Variants in VWA8 observed in about 807,000 individuals in gnomAD.
VWA8 encodes von Willebrand factor A domain-containing protein 8.
VWA8 carries 221 observed loss-of-function variants against 241.5 expected under a neutral mutation model. That is an observed-to-expected ratio of 0.91 (90% CI 0.82 to 1.02). The LOEUF is 1.02. VWA8 is among the 50% of genes least tolerant of loss of function. The pLI, the probability that VWA8 is intolerant of heterozygous loss-of-function variation, is 0.00. For missense variants in VWA8, 2,322 were observed against 2,328.7 expected, an observed-to-expected ratio of 1.00 and a Z score of 0.06; for synonymous variants, 852 against 827.1, an observed-to-expected ratio of 1.03 and a Z score of -0.52.
chr13:41,882,078 C>G (rs1232409809), intron 9 of VWA8, among the ~76,000 whole-genome samples: 2 of 142,572 alleles, frequency 1.4e-5, no homozygotes, highest in Admixed American at 1.4e-4. Context: ...GGTCTCCTCA[C>G]TTCTCAGACG....
chr13:41,660,688 G>A (rs571225834), intron 37 of VWA8, among the ~76,000 whole-genome samples: 61 of 152,270 alleles, frequency 4.0e-4, no homozygotes, highest in African/African-American at 1.3e-3. Flanking sequence ...TCACGCTGCT[G>A]CAACTGTGCT....
intron 39 of VWA8, 79 bp from the exon 40 acceptor site, chr13:41,605,355 G>T: frequency 7.2e-7 from 1 of 1,381,398 alleles, no homozygotes; most frequent in Non-Finnish European, 1.0e-6. Context: ...CCTCCTGCTG[G>T]AACTTTAGCA....
chr13:41,925,724 C>G (rs987377794), intron 2 of VWA8: 2 of 194,288 alleles, frequency 1.0e-5, no homozygotes, highest in Non-Finnish European at 2.2e-5. Flanking sequence ...GCAGGAAGAA[C>G]TCAGTGAGAA....
At chr13:41,716,996 G>A (rs1418199164) in intron 26 of VWA8, among the ~76,000 whole-genome samples, 1 of 151,688 alleles carries the variant, frequency 6.6e-6, no homozygotes, top group African/African-American at 2.4e-5. Flanking sequence ...GGGGTGGAAA[G>A]GGGGAATGAA....
At chr13:41,579,053 G>A (rs1462517202) in intron 42 of VWA8, among the ~76,000 whole-genome samples, 1 of 152,140 alleles carries the variant, frequency 6.6e-6, no homozygotes, top group Non-Finnish European at 1.5e-5. Flanking sequence ...GAATGCATAG[G>A]ACAAAGTGCT....
In VWA8 at chr13:41,605,610, G is replaced by A. The variant is rs191033643; in HGVS notation, c.4878-334C>T. ...AAAAATGTGCACAATTGACTCTCAT[G>A]AGCCAGTATGAATTGGCTTTGTGGT... On this transcript the variant is annotated intron_variant, in intron 39 of 44. Transcript: ENST00000379310. Among the ~76,000 whole-genome samples the A allele has an allele frequency of 2.7e-3, 416 of 152,238 alleles. 1 individual carries two copies. The highest frequency in any genetic ancestry group is 9.3e-3 in the African/African-American group (387 of 41,548).
chr13:41,758,898 AT>A (rs1213328198), intron 21 of VWA8, among the ~76,000 whole-genome samples: 1 of 151,274 alleles, frequency 6.6e-6, no homozygotes, highest in Non-Finnish European at 1.5e-5. Context: ...TTCTCAAATG[AT>A]TTTTCTGGTG....
At chr13:41,874,695 A>T (rs1047095515) in intron 9 of VWA8, among the ~76,000 whole-genome samples, 2 of 152,142 alleles carry the variant, frequency 1.3e-5, no homozygotes, top group African/African-American at 4.8e-5. Flanking sequence ...TCATCCTTAC[A>T]ATTCCCAATC....
intron 21 of VWA8, among the ~76,000 whole-genome samples, chr13:41,749,569 G>A (rs1041858688): frequency 2.6e-5 from 4 of 151,334 alleles, no homozygotes; most frequent in East Asian, 1.9e-4. Flanking sequence ...TGTTTACTGC[G>A]GCACCACTCA....
chr13:41,726,537 G>C (rs141767802), intron 24 of VWA8, among the ~76,000 whole-genome samples: 9 of 152,254 alleles, frequency 5.9e-5, no homozygotes, highest in Non-Finnish European at 1.3e-4. Context: ...TCATGGTTAG[G>C]GGGATGTGAC....
At chr13:41,834,352 AG>A in intron 12 of VWA8, among the ~76,000 whole-genome samples, 2 of 152,360 alleles carry the variant, frequency 1.3e-5, no homozygotes, top group East Asian at 1.9e-4. Flanking sequence ...AGCAAAGAAA[AG>A]TTAAACACAT....
intron 40 of VWA8, among the ~76,000 whole-genome samples, chr13:41,594,152 G>A (rs1318787471): frequency 6.7e-6 from 1 of 148,156 alleles, no homozygotes; most frequent in Non-Finnish European, 1.5e-5. Context: ...CAAGGTCTCT[G>A]ACACCCAGGC....
intron 4 of VWA8, among the ~76,000 whole-genome samples, chr13:41,897,947 C>T (rs1875203079): frequency 6.6e-6 from 1 of 152,116 alleles, no homozygotes; most frequent in African/African-American, 2.4e-5. Context: ...TTTGACAGGG[C>T]GCTGACTGGT....
chr13:41,681,363 C>A (rs2045097307), intron 35 of VWA8, among the ~76,000 whole-genome samples: 1 of 152,118 alleles, frequency 6.6e-6, no homozygotes, highest in Non-Finnish European at 1.5e-5. Flanking sequence ...AGCCTACCTT[C>A]CCATTTTCTA....
At chr13:41,696,367 T>C (rs374396331) in intron 29 of VWA8, among the ~76,000 whole-genome samples, 8 of 152,266 alleles carry the variant, frequency 5.3e-5, no homozygotes, top group African/African-American at 1.7e-4. Flanking sequence ...TACTTTTCTC[T>C]TGATTAGTGA....
At position 41,883,458 on chromosome 13, in the gene VWA8, T is replaced by C. The variant is rs141126893; in HGVS notation, c.1009A>G (p.Ile337Val). Reference sequence around the variant, plus strand: ...ATACTATATGGATAAAGCCACTGGATTGCATGTTTGATTGGCATCATAGGA... The same window carrying C: ...ATACTATATGGATAAAGCCACTGGACTGCATGTTTGATTGGCATCATAGGA... ...SFPMMPIKHA[I>V]QWLYPYSILL... The change falls in exon 9 of 45, where the codon ATC (isoleucine) becomes GTC (valine). Residue 337 changes from isoleucine to valine, a missense_variant. Ile to Val is a conservative substitution (Grantham distance 29). Coordinates refer to ENST00000379310, the MANE Select transcript of VWA8 (RefSeq NM_015058.2). 5 of 1,613,492 alleles carry C rather than the reference T, an allele frequency of 3.1e-6. No individual in the cohort carries two copies. The African/African-American group carries it at 6.7e-5, about 22-fold the overall frequency.
At chr13:41,640,676 A>G (rs1159378219) in intron 37 of VWA8, among the ~76,000 whole-genome samples, 3 of 152,240 alleles carry the variant, frequency 2.0e-5, no homozygotes, top group African/African-American at 7.2e-5. Context: ...TAGTTGCTTA[A>G]TGCTAAAACT....
At chr13:41,635,063 G>C (rs1001100202) in intron 37 of VWA8, among the ~76,000 whole-genome samples, 4 of 152,118 alleles carry the variant, frequency 2.6e-5, no homozygotes, top group Non-Finnish European at 5.9e-5. Context: ...AAAAATGAGG[G>C]GGACAGTTGG....
At chr13:41,573,108 CAAAA>C (rs71086585) in intron 43 of VWA8, among the ~76,000 whole-genome samples, 13 of 72,404 alleles carry the variant, frequency 1.8e-4, no homozygotes, top group Non-Finnish European at 2.1e-4. Flanking sequence ...GACACCGTTT[CAAAA>C]AAAAAAAAAA....
Sources: allele counts gnomAD v4.1 joint callset (sites outside exome capture counted in the v4.1 genomes callset), GRCh38; gene constraint gnomAD v4.1.1; transcripts MANE v1.5; gene names NCBI Gene and HGNC (gene_info 2026-07-23, HGNC 2026-07-21).